CDH17: variants seen among roughly 807,000 people sequenced by gnomAD.
The protein encoded by CDH17 is cadherin 17.
Under a neutral mutation model 86.3 loss-of-function variants are expected in CDH17, and 67 were observed. That is an observed-to-expected ratio of 0.78 (90% CI 0.64 to 0.95). The LOEUF (loss-of-function observed/expected upper bound fraction) is 0.95. Among genes scored for constraint, CDH17 ranks in the 40% least tolerant of loss-of-function variants. The pLI is 0.00. For synonymous variants in CDH17, 367 were observed against 366.4 expected (o/e 1.00, Z -0.02); for missense variants, 993 against 1,017.6 (o/e 0.98, Z 0.33).
Position 94,152,021 on chromosome 8 carries a change from C to T in CDH17, c.1643G>A (p.Ser548Asn), listed in dbSNP as rs372616604. 16 of 1,614,054 alleles carry T rather than the reference C, an allele frequency of 9.9e-6. No homozygotes were observed. The African/African-American group carries it at 1.6e-4, about 16-fold the overall frequency. ...AATAAGCGTGAACTTGGCAAAAGAA[C>T]TTGCATTGTACTTCACACCAAACAC... ...PLVFGVKYNA[S>N]SFAKFTLIVT... Residue 548 changes from serine (S) to asparagine (N), a missense_variant, in exon 13 of 18, where the codon AGT (serine) becomes AAT (asparagine). Coordinates refer to ENST00000027335, the MANE Select transcript of CDH17 (RefSeq NM_004063.4).
chr8:94,160,544 A>G (rs1166542200), intron 11 of CDH17, among the ~76,000 whole-genome samples: 1 of 152,240 alleles, frequency 6.6e-6, no homozygotes, highest in African/African-American at 2.4e-5. Flanking sequence ...TAAATCAACC[A>G]ATGAATAGAG....
In CDH17 at chr8:94,170,857, A is replaced by G. The variant is rs755436336; in HGVS notation, c.912T>C (p.Asp304=). ...VTQPLDREEK[D]AYVFYAVAKD... ...GAAACTCTTCTCTTTTACTCACTGC[A>G]TCCTTTTCTTCTCGGTCCAAGGGCT... Residue 304 remains aspartate (D), a synonymous_variant, in exon 8 of 18, where the codon GAT becomes GAC. Coordinates refer to ENST00000027335, the MANE Select transcript of CDH17 (RefSeq NM_004063.4). The G allele has an allele frequency of 3.1e-6, 5 of 1,612,956 alleles. No individual in the cohort carries two copies. Among genetic ancestry groups the G allele is most frequent in the Non-Finnish European group, 4.2e-6 (5 of 1,179,544 alleles).
At chr8:94,129,901 AC>A (rs1338263605) in intron 17 of CDH17, among the ~76,000 whole-genome samples, 5 of 152,198 alleles carry the variant, frequency 3.3e-5, no homozygotes, top group African/African-American at 1.2e-4. Flanking sequence ...TTGTGTTGAG[AC>A]TTGGGTCTCA....
intron 9 of CDH17, 65 bp downstream of exon 9, chr8:94,170,332 T>A: frequency 6.5e-7 from 1 of 1,545,072 alleles, no homozygotes; most frequent in Non-Finnish European, 8.8e-7. Context: ...CCTGCTCACC[T>A]TTTACCCAGC....
At chr8:94,162,317 C>T (rs1407564123) in intron 10 of CDH17, among the ~76,000 whole-genome samples, 155 bp from the exon 11 acceptor site, 1 of 152,164 alleles carries the variant, frequency 6.6e-6, no homozygotes, top group African/African-American at 2.4e-5. Context: ...CTCTCTGTTT[C>T]CCACCTGTAC....
At position 94,165,948 on chromosome 8, in the gene CDH17, A is replaced by T. The variant is rs768104607; in HGVS notation, c.1095T>A (p.His365Gln). Residue 365 changes from histidine (H) to glutamine (Q), a missense_variant, in exon 10 of 18, where the codon CAT becomes CAA. Coordinates refer to ENST00000027335, the MANE Select transcript of CDH17 (RefSeq NM_004063.4). ...TGGCAGTATTTTCTTCATCCCTGTC[A>T]TGTGCAGTAAGGGTCCCGATACTGT... Reference protein sequence around the residue: ...LGNSIGTLTAHDRDEENTANS... With the variant: ...LGNSIGTLTAQDRDEENTANS... The T allele has an allele frequency of 1.9e-5, 30 of 1,613,532 alleles. No homozygotes were observed. Among genetic ancestry groups the T allele is most frequent in the Non-Finnish European group, 2.5e-5 (29 of 1,179,640 alleles).
At chr8:94,199,814 C>T (rs1031946001) in intron 1 of CDH17, among the ~76,000 whole-genome samples, 1 of 152,114 alleles carries the variant, frequency 6.6e-6, no homozygotes, top group Non-Finnish European at 1.5e-5. Flanking sequence ...TTAACTCCTC[C>T]ACCGGCTGAC....
intron 2 of CDH17, among the ~76,000 whole-genome samples, chr8:94,192,037 C>G (rs1274033692): frequency 6.6e-6 from 1 of 152,186 alleles, no homozygotes; most frequent in Admixed American, 6.5e-5. Flanking sequence ...GTTAGTCACA[C>G]CAGTGAAAAC....
intron 14 of CDH17, among the ~76,000 whole-genome samples, chr8:94,147,368 G>A (rs1402667406): frequency 6.6e-6 from 1 of 152,176 alleles, no homozygotes; most frequent in African/African-American, 2.4e-5. Context: ...TTTTTGGTTT[G>A]ACTTGACTGA....
Position 94,145,856 on chromosome 8 carries a change from A to AC in CDH17, c.2167+71dup. ...GAAAGCTCTTTGCTGAGTACAGCAA[A>AC]CCCACCAAGTTAAATAAAACCTACT... On this transcript the variant is annotated intron_variant, in intron 15 of 17. Transcript: ENST00000027335. 7 of 1,509,042 alleles carry AC rather than the reference A, an allele frequency of 4.6e-6. No individual in the cohort carries two copies. The South Asian group carries it at 8.9e-5, about 19-fold the overall frequency. 93.5% of individuals were successfully genotyped at this position (1,509,042 alleles called of 1,614,324 possible).
chr8:94,143,577 A>G (rs1354995480), intron 15 of CDH17, among the ~76,000 whole-genome samples: 2 of 152,190 alleles, frequency 1.3e-5, no homozygotes, highest in Non-Finnish European at 2.9e-5. Flanking sequence ...TGTCTCCCAA[A>G]AGAAGGCTGT....
At chr8:94,139,851 C>A (rs1422559445) in intron 15 of CDH17, among the ~76,000 whole-genome samples, 1 of 151,394 alleles carries the variant, frequency 6.6e-6, no homozygotes, top group South Asian at 2.1e-4. Flanking sequence ...TGTGCCACTG[C>A]ACTCCAGCCT....
intron 13 of CDH17, among the ~76,000 whole-genome samples, chr8:94,149,288 G>C (rs1189908046): frequency 6.6e-6 from 1 of 152,130 alleles, no homozygotes; most frequent in African/African-American, 2.4e-5. Flanking sequence ...TGAACACCCA[G>C]TGGTGGAAAC....
At chr8:94,130,381 C>A (rs1000448951) in intron 17 of CDH17, among the ~76,000 whole-genome samples, 1 of 152,158 alleles carries the variant, frequency 6.6e-6, no homozygotes, top group Non-Finnish European at 1.5e-5. Flanking sequence ...TAATATATGA[C>A]AATTGATGAC....
intron 15 of CDH17, among the ~76,000 whole-genome samples, chr8:94,132,735 C>G (rs1812443999): frequency 6.6e-6 from 1 of 152,144 alleles, no homozygotes; most frequent in African/African-American, 2.4e-5. Context: ...TCATGAAGTC[C>G]TTGCCCACGC....
chr8:94,140,590 A>G (rs77964947), intron 15 of CDH17, among the ~76,000 whole-genome samples: 3,912 of 152,296 alleles, frequency 0.026, 167 homozygotes, highest in African/African-American at 0.09. Flanking sequence ...ATAAAGATCT[A>G]GCCAGTGAAA....
chr8:94,161,941 T>C (rs1161096817), intron 11 of CDH17, 145 bp downstream of exon 11: 2 of 525,384 alleles, frequency 3.8e-6, no homozygotes, highest in African/African-American at 3.8e-5. Flanking sequence ...CCACTGAAGA[T>C]GGCATCTGGG....
chr8:94,198,183 G>T (rs964491838), intron 1 of CDH17, among the ~76,000 whole-genome samples: 3 of 152,088 alleles, frequency 2.0e-5, no homozygotes, highest in African/African-American at 4.8e-5. Context: ...TATAAATTAA[G>T]CAACTTGCCC....
At chr8:94,140,146 G>T (rs1268068889) in intron 15 of CDH17, among the ~76,000 whole-genome samples, 3 of 152,112 alleles carry the variant, frequency 2.0e-5, no homozygotes, top group Non-Finnish European at 4.4e-5. Flanking sequence ...TGTGGGCCTG[G>T]CATGGTGGTT....
Sources: gnomAD v4.1 joint callset for allele counts (sites outside exome capture counted in the v4.1 genomes callset) on GRCh38, gnomAD v4.1.1 for gene constraint, MANE v1.5 for transcripts, NCBI Gene and HGNC (gene_info 2026-07-23, HGNC 2026-07-21) for gene names.